The following INPP4B variants were observed in gnomAD, a reference collection of about 807,000 sequenced individuals.
The protein encoded by INPP4B is inositol polyphosphate 4-phosphatase type II.
A neutral mutation model predicts 122.5 loss-of-function variants in INPP4B; 55 were observed. The ratio of observed to expected loss-of-function variants is 0.45; its 90% CI spans 0.36 to 0.56. The LOEUF is 0.56. INPP4B is among the 20% of genes least tolerant of loss of function. The pLI is 0.00. For synonymous variants in INPP4B, 403 were observed against 388.7 expected, an observed-to-expected ratio of 1.04 and a Z score of -0.43; for missense variants, 1,000 against 1,097.7, an observed-to-expected ratio of 0.91 and a Z score of 1.26.
intron 2 of INPP4B, among the ~76,000 whole-genome samples, chr4:142,577,196 A>C (rs1734036944): frequency 6.6e-6 from 1 of 151,966 alleles, no homozygotes; most frequent in Non-Finnish European, 1.5e-5. Flanking sequence ...CATGATCAAC[A>C]TATTGTTCAC....
At chr4:142,248,797 T>A (rs189682395) in intron 11 of INPP4B, among the ~76,000 whole-genome samples, 1 of 152,054 alleles carries the variant, frequency 6.6e-6, no homozygotes, top group Admixed American at 6.6e-5. Flanking sequence ...TTATTCCTTA[T>A]AATGAATTTT....
chr4:142,201,381 T>C (rs557445531), intron 14 of INPP4B, among the ~76,000 whole-genome samples: 1 of 152,128 alleles, frequency 6.6e-6, no homozygotes, highest in African/African-American at 2.4e-5. Context: ...ATACTTTCTA[T>C]GAAAGTTGCA....
At position 142,544,130 on chromosome 4, in the gene INPP4B, G is replaced by GTGTGTGTGTGTGTGTGTGTGTGTGT. The variant is rs55638202; in HGVS notation, c.-190-81405_-190-81404insACACACACACACACACACACACACA. Among the ~76,000 whole-genome samples the GTGTGTGTGTGTGTGTGTGTGTGTGT allele has an allele frequency of 2.8e-3, 377 of 133,210 alleles. 23 individuals are homozygous for GTGTGTGTGTGTGTGTGTGTGTGTGT. Among genetic ancestry groups the GTGTGTGTGTGTGTGTGTGTGTGTGT allele is most frequent in the African/African-American group, 8.5e-3 (298 of 34,972 alleles). 87.4% of individuals were successfully genotyped at this position (133,210 alleles called of 152,430 possible). A position where few individuals can be genotyped will look rare whatever the true frequency, so the allele number is the denominator to read the frequency against. On this transcript the variant is annotated intron_variant, in intron 2 of 25. Coordinates refer to ENST00000262992, the MANE Select transcript of INPP4B (RefSeq NM_001101669.3). The stretch of plus-strand genomic sequence containing the variant: ...CACAAATACTGCATGGTGTGTGTGT[G>GTGTGTGTGTGTGTGTGTGTGTGTGT]GTGTGTGTGTGTGTGTGTGTGTGTG...
chr4:142,122,808 C>A (rs1797108451), intron 20 of INPP4B, among the ~76,000 whole-genome samples: 1 of 151,590 alleles, frequency 6.6e-6, no homozygotes, highest in African/African-American at 2.4e-5. Context: ...TCCAGTATAT[C>A]CAAAATACCA....
At chr4:142,425,247 T>C (rs1347003618) in intron 5 of INPP4B, 1 of 151,996 alleles carries the variant, frequency 6.6e-6, no homozygotes, top group Non-Finnish European at 1.5e-5. Flanking sequence ...CTGATCCCAT[T>C]ATTCAGATAG....
chr4:142,301,904 AT>A (rs918822170), intron 9 of INPP4B, among the ~76,000 whole-genome samples: 14 of 151,964 alleles, frequency 9.2e-5, no homozygotes, highest in Non-Finnish European at 1.8e-4. Context: ...GATCAATATA[AT>A]TTTTTTTCCT....
chr4:142,823,695 C>G (rs1314876805), intron 1 of INPP4B, among the ~76,000 whole-genome samples: 1 of 152,170 alleles, frequency 6.6e-6, no homozygotes, highest in Non-Finnish European at 1.5e-5. Flanking sequence ...TAGGACACAA[C>G]TGACTTTTGA....
chr4:142,770,876 A>T (rs963117952), intron 1 of INPP4B, among the ~76,000 whole-genome samples: 3 of 152,184 alleles, frequency 2.0e-5, no homozygotes, highest in African/African-American at 7.2e-5. Flanking sequence ...TAACACAAGA[A>T]AAGGATCCAG....
chr4:142,360,689 G>T (rs1187804616), intron 7 of INPP4B, among the ~76,000 whole-genome samples: 1 of 151,804 alleles, frequency 6.6e-6, no homozygotes, highest in Non-Finnish European at 1.5e-5. Flanking sequence ...TACACTGCAG[G>T]AAAGAAAACC....
chr4:142,102,682 T>C (rs1042097875), intron 23 of INPP4B, among the ~76,000 whole-genome samples: 1 of 152,034 alleles, frequency 6.6e-6, no homozygotes, highest in Admixed American at 6.6e-5. Context: ...CAGATATTTC[T>C]TTTTCCCTGG....
At chr4:142,640,929 T>C (rs1043207266) in intron 2 of INPP4B, among the ~76,000 whole-genome samples, 2 of 152,112 alleles carry the variant, frequency 1.3e-5, no homozygotes, top group African/African-American at 4.8e-5. Flanking sequence ...AATCACAAAT[T>C]TGGATGAAGA....
intron 2 of INPP4B, among the ~76,000 whole-genome samples, chr4:142,677,377 G>A (rs565330056): frequency 7.2e-5 from 11 of 152,076 alleles, no homozygotes; most frequent in South Asian, 4.2e-4. Flanking sequence ...AAATAGGAAC[G>A]CTTTTATACT....
At chr4:142,621,679 C>T (rs541855741) in intron 2 of INPP4B, among the ~76,000 whole-genome samples, 1 of 151,738 alleles carries the variant, frequency 6.6e-6, no homozygotes, top group South Asian at 2.1e-4. Flanking sequence ...ATAGAAAAAT[C>T]CTTCCTACCT....
chr4:142,581,277 G>A (rs576197426), intron 2 of INPP4B, among the ~76,000 whole-genome samples: 1 of 152,072 alleles, frequency 6.6e-6, no homozygotes, highest in Non-Finnish European at 1.5e-5. Flanking sequence ...CAAGTTTTGT[G>A]CTATACAAGA....
At chr4:142,281,504 T>G (rs1433403107) in intron 9 of INPP4B, among the ~76,000 whole-genome samples, 2 of 152,008 alleles carry the variant, frequency 1.3e-5, no homozygotes, top group Non-Finnish European at 2.9e-5. Context: ...ATGCTAGTGA[T>G]GTGACAATAT....
At chr4:142,245,817 CATATATGTGTATGTATACAT>C (rs1727820763) in intron 11 of INPP4B, among the ~76,000 whole-genome samples, 4 of 122,220 alleles carry the variant, frequency 3.3e-5, no homozygotes, top group South Asian at 2.7e-4. Flanking sequence ...TGTATGTATA[CATATATGTGTATGTATACAT>C]ATATATGTGT....
chr4:142,492,459 G>A (rs1222304293), intron 2 of INPP4B, among the ~76,000 whole-genome samples: 3 of 152,138 alleles, frequency 2.0e-5, no homozygotes, highest in South Asian at 2.1e-4. Flanking sequence ...ACAGGAAGAT[G>A]TGAGAAAATT....
At chr4:142,156,046 T>A (rs1229021211) in intron 17 of INPP4B, among the ~76,000 whole-genome samples, 1 of 149,474 alleles carries the variant, frequency 6.7e-6, no homozygotes, top group Non-Finnish European at 1.5e-5. Flanking sequence ...AATTTTAAAT[T>A]TGGCTTATAT....
At chr4:142,758,821 T>C (rs2150967722) in intron 1 of INPP4B, among the ~76,000 whole-genome samples, 1 of 151,988 alleles carries the variant, frequency 6.6e-6, no homozygotes, top group East Asian at 1.9e-4. Flanking sequence ...GGTGTGGCAG[T>C]GTACACTTGT....
Sources: allele counts gnomAD v4.1 joint callset (sites outside exome capture counted in the v4.1 genomes callset), GRCh38; gene constraint gnomAD v4.1.1; transcripts MANE v1.5; gene names NCBI Gene and HGNC (gene_info 2026-07-23, HGNC 2026-07-21).